CSMD1: variants seen among roughly 807,000 people sequenced by gnomAD.
The protein encoded by CSMD1 is CUB and sushi domain-containing protein 1.
CSMD1 carries 213 observed loss-of-function variants against 417.5 expected under a neutral mutation model. That is an observed-to-expected ratio of 0.51 (90% CI 0.46 to 0.57). The LOEUF is 0.57. CSMD1 is among the 20% of genes least tolerant of loss of function. The pLI is 0.00. For missense variants in CSMD1, 6,923 were observed against 4,529.7 expected (o/e 1.53, Z -15.17); for synonymous variants, 2,862 against 1,736.8 (o/e 1.65, Z -16.11).
intron 7 of CSMD1, among the ~76,000 whole-genome samples, chr8:3,640,136 C>G (rs555869215): frequency 6.6e-6 from 1 of 152,266 alleles, no homozygotes; most frequent in Admixed American, 6.5e-5. Context: ...CCCACTTTTT[C>G]TTGCGTAAGA....
intron 1 of CSMD1, among the ~76,000 whole-genome samples, chr8:4,700,653 CTG>C (rs990795128): frequency 2.0e-5 from 3 of 152,022 alleles, no homozygotes; most frequent in African/African-American, 7.2e-5. Context: ...ATGAAAGTAA[CTG>C]GACACATAAA....
At position 4,994,460 on chromosome 8, in the gene CSMD1, G is replaced by A. The variant is rs747875387; in HGVS notation, c.-44C>T. 4 of 1,545,546 alleles carry A rather than the reference G, an allele frequency of 2.6e-6. No homozygotes were observed. Among genetic ancestry groups the A allele is most frequent in the East Asian group, 2.2e-5 (1 of 44,446 alleles). On this transcript the variant is annotated 5_prime_UTR_variant, in exon 1 of 70. Coordinates refer to ENST00000635120, the MANE Select transcript of CSMD1 (RefSeq NM_033225.6). ...CGCACGCGACACCGATGGCTCCTCC[G>A]AGGAAGGCAGGGCTATGAGCGGAGC...
chr8:3,795,769 G>GATAT lies in CSMD1; in HGVS notation c.819-41728_819-41727insATAT, dbSNP rs1464456943. On this transcript the variant is annotated intron_variant, in intron 5 of 69. Transcript: ENST00000635120. ...TAGATACCTATCATGTACAGCTATAGATACCTATCATGTACAGATATAGAT... is the reference window on the plus strand; with the variant it reads ...TAGATACCTATCATGTACAGCTATAGATATATACCTATCATGTACAGATATAGAT... 5.9e-5 allele frequency among the ~76,000 whole-genome samples: 2 copies of GATAT among 33,648 alleles called. 1 individual carries two copies. Among genetic ancestry groups the GATAT allele is most frequent in the Non-Finnish European group, 1.4e-4 (2 of 14,298 alleles). 22.1% of individuals were successfully genotyped at this position (33,648 alleles called of 152,430 possible). A position where few individuals can be genotyped will look rare whatever the true frequency, so the allele number is the denominator to read the frequency against.
intron 5 of CSMD1, among the ~76,000 whole-genome samples, chr8:3,791,401 G>C (rs186037772): frequency 6.6e-6 from 1 of 152,118 alleles, no homozygotes; most frequent in Admixed American, 6.5e-5. Context: ...TCTTTGACAG[G>C]GGATTCTTAA....
At chr8:4,886,347 T>A (rs1012288662) in intron 1 of CSMD1, among the ~76,000 whole-genome samples, 1 of 152,074 alleles carries the variant, frequency 6.6e-6, no homozygotes, top group South Asian at 2.1e-4. Flanking sequence ...TTTTATTTTA[T>A]GTATATTATA....
chr8:3,105,376 G>A (rs1448039284), intron 46 of CSMD1, among the ~76,000 whole-genome samples: 1 of 152,164 alleles, frequency 6.6e-6, no homozygotes, highest in Non-Finnish European at 1.5e-5. Context: ...CACTACATCT[G>A]CACTTCACTA....
At chr8:2,996,659 C>A (rs1331162574) in intron 54 of CSMD1, among the ~76,000 whole-genome samples, 1 of 152,192 alleles carries the variant, frequency 6.6e-6, no homozygotes, top group Non-Finnish European at 1.5e-5. Context: ...AGTTGTCAGT[C>A]ATAAGAGTTC....
chr8:3,851,233 G>T (rs1037166915), intron 5 of CSMD1, among the ~76,000 whole-genome samples: 2 of 152,190 alleles, frequency 1.3e-5, no homozygotes, highest in African/African-American at 4.8e-5. Context: ...TTGAAATAAT[G>T]AATTTGCATC....
intron 3 of CSMD1, among the ~76,000 whole-genome samples, chr8:4,413,817 G>T (rs1474590126): frequency 1.3e-5 from 2 of 152,136 alleles, no homozygotes; most frequent in African/African-American, 4.8e-5. Flanking sequence ...GATAACTAAG[G>T]TGAGGACCCT....
chr8:4,980,254 G>A (rs1260602765), intron 1 of CSMD1, among the ~76,000 whole-genome samples: 1 of 152,180 alleles, frequency 6.6e-6, no homozygotes, highest in Admixed American at 6.5e-5. Flanking sequence ...GTAATCTTAA[G>A]TTTAAGCCCA....
intron 3 of CSMD1, among the ~76,000 whole-genome samples, chr8:4,093,418 G>A (rs936519009): frequency 6.6e-6 from 1 of 152,226 alleles, no homozygotes; most frequent in East Asian, 1.9e-4. Flanking sequence ...CAACAGAGGT[G>A]TACAATTTTT....
intron 7 of CSMD1, among the ~76,000 whole-genome samples, chr8:3,629,902 T>G (rs1037772049): frequency 6.6e-6 from 1 of 152,182 alleles, no homozygotes; most frequent in Non-Finnish European, 1.5e-5. Context: ...TAGAAAAAAG[T>G]AGATTCAAAA....
intron 2 of CSMD1, among the ~76,000 whole-genome samples, chr8:4,433,973 G>C (rs1259975334): frequency 1.3e-5 from 2 of 152,168 alleles, no homozygotes; most frequent in Non-Finnish European, 2.9e-5. Context: ...GCTCCAGGAA[G>C]TGATTTTCTC....
chr8:3,187,265 G>T (rs1360673758), intron 36 of CSMD1, among the ~76,000 whole-genome samples: 1 of 152,176 alleles, frequency 6.6e-6, no homozygotes, highest in East Asian at 1.9e-4. Flanking sequence ...CTGGAGGCAG[G>T]ATATCCTGTT....
intron 5 of CSMD1, among the ~76,000 whole-genome samples, chr8:3,908,614 A>G (rs1365407886): frequency 1.3e-5 from 2 of 152,008 alleles, no homozygotes; most frequent in Non-Finnish European, 2.9e-5. Context: ...TTTTAAGAAC[A>G]TTGCTTAAAA....
intron 2 of CSMD1, among the ~76,000 whole-genome samples, chr8:4,590,073 T>C (rs1799907864): frequency 6.6e-6 from 1 of 152,236 alleles, no homozygotes; most frequent in Non-Finnish European, 1.5e-5. Flanking sequence ...GGTGGTAACA[T>C]GTATTTATGA....
intron 10 of CSMD1, among the ~76,000 whole-genome samples, chr8:3,547,507 C>G (rs916729799): frequency 6.6e-6 from 1 of 152,078 alleles, no homozygotes; most frequent in African/African-American, 2.4e-5. Flanking sequence ...ATATTTATGC[C>G]TGATCACGTC....
rs565192545 is a variant in CSMD1 at position 4,026,697 on chromosome 8, G to A, written c.610+5208C>T. ...AATATAAAATAGCAATCAGACAAAT[G>A]CTATCTGAGAGATCAAGGGACTTCT... On this transcript the variant is annotated intron_variant, in intron 4 of 69. Transcript: ENST00000635120. 3.3e-5 allele frequency among the ~76,000 whole-genome samples: 5 copies of A among 152,308 alleles called. No individual in the cohort carries two copies. In the East Asian group the frequency reaches 7.7e-4, roughly 23 times the overall value.
chr8:3,618,569 T>A (rs1218072931), intron 7 of CSMD1, among the ~76,000 whole-genome samples: 1 of 152,130 alleles, frequency 6.6e-6, no homozygotes, highest in Non-Finnish European at 1.5e-5. Context: ...TTTCTCAATA[T>A]TATATCAAAA....
Sources: gnomAD v4.1 joint callset for allele counts (sites outside exome capture counted in the v4.1 genomes callset) on GRCh38, gnomAD v4.1.1 for gene constraint, MANE v1.5 for transcripts, NCBI Gene and HGNC (gene_info 2026-07-23, HGNC 2026-07-21) for gene names.